TRMT10B: variants seen among roughly 807,000 people sequenced by gnomAD.
The protein encoded by TRMT10B is tRNA methyltransferase 10 homolog B.
TRMT10B carries 33 observed loss-of-function variants against 43.8 expected under a neutral mutation model. That is an observed-to-expected ratio of 0.75 (90% CI 0.57 to 1.01). The LOEUF (loss-of-function observed/expected upper bound fraction) is 1.01. Among genes scored for constraint, TRMT10B ranks in the 50% least tolerant of loss-of-function variants. The probability of loss-of-function intolerance (pLI) is 0.00; values close to 1 mark genes in which losing one functional copy is unlikely to be tolerated. For missense variants in TRMT10B, 362 were observed against 369.8 expected, an observed-to-expected ratio of 0.98 and a Z score of 0.17; for synonymous variants, 137 against 130.6, an observed-to-expected ratio of 1.05 and a Z score of -0.34.
At chr9:37,764,929 C>T (rs1159861477) in intron 4 of TRMT10B, among the ~76,000 whole-genome samples, 1 of 151,972 alleles carries the variant, frequency 6.6e-6, no homozygotes, top group Non-Finnish European at 1.5e-5. Context: ...TAATCAAGAA[C>T]AGAATGAACA....
At chr9:37,759,292 A>T (rs1340947154) in intron 1 of TRMT10B, among the ~76,000 whole-genome samples, 2 of 152,256 alleles carry the variant, frequency 1.3e-5, no homozygotes, top group Non-Finnish European at 2.9e-5. Flanking sequence ...AATGCTACTC[A>T]GCAATAAAAA....
intron 6 of TRMT10B, among the ~76,000 whole-genome samples, chr9:37,770,298 T>A (rs74431227): frequency 0.031 from 4,785 of 152,352 alleles, 102 homozygotes; most frequent in Non-Finnish European, 0.05. Flanking sequence ...GCTACCCCAC[T>A]AGCCCTTCTT....
rs1589021311 is a variant in TRMT10B at position 37,763,575 on chromosome 9, T to C, written c.296-54T>C. 1.1e-5 allele frequency: 17 copies of C among 1,519,220 alleles called. No individual in the cohort carries two copies. The East Asian group carries it at 2.9e-4, about 26-fold the overall frequency. The allele number at this position is 1,519,220 out of a possible 1,614,324, so 94.1% of individuals were successfully genotyped here. A position where few individuals can be genotyped will look rare whatever the true frequency, so the allele number is the denominator to read the frequency against. On this transcript the variant is annotated intron_variant, in intron 3 of 8. Coordinates refer to ENST00000297994, the MANE Select transcript of TRMT10B (RefSeq NM_144964.4). ...CCACCTGGCTAAGATTTGTTTCTTATATAATATTCCTCTGGTTTTCCACTT... is the reference window on the plus strand; with the variant it reads ...CCACCTGGCTAAGATTTGTTTCTTACATAATATTCCTCTGGTTTTCCACTT...
intron 1 of TRMT10B, among the ~76,000 whole-genome samples, chr9:37,759,126 C>T (rs1589008735): frequency 6.6e-6 from 1 of 152,162 alleles, no homozygotes; most frequent in African/African-American, 2.4e-5. Flanking sequence ...TATGCTATGA[C>T]CTAGCAATTC....
At chr9:37,776,477 C>T in intron 8 of TRMT10B, 72 bp downstream of exon 8, 1 of 1,490,526 alleles carries the variant, frequency 6.7e-7, no homozygotes, top group East Asian at 2.5e-5. Flanking sequence ...GTTTAAGTGG[C>T]CTTTGAGTCA....
intron 7 of TRMT10B, among the ~76,000 whole-genome samples, chr9:37,774,725 T>C (rs1248220853): frequency 6.6e-6 from 1 of 152,208 alleles, no homozygotes; most frequent in Non-Finnish European, 1.5e-5. Flanking sequence ...TTTTTGGAAG[T>C]TCTATCTAAA....
upstream of TRMT10B, among the ~76,000 whole-genome samples, chr9:37,753,053 G>C (rs547939612): frequency 6.6e-6 from 1 of 150,674 alleles, no homozygotes; most frequent in Non-Finnish European, 1.5e-5. Context: ...TGAGGCCCGT[G>C]TGACCACGAA....
chr9:37,763,841 G>C, intron 4 of TRMT10B, 88 bp downstream of exon 4: 2 of 1,608,272 alleles, frequency 1.2e-6, no homozygotes, highest in Non-Finnish European at 8.5e-7. Context: ...GTCAACTCCA[G>C]CTTCTGGGAT....
At chr9:37,765,719 C>T (rs1428687826) in intron 4 of TRMT10B, among the ~76,000 whole-genome samples, 1 of 152,140 alleles carries the variant, frequency 6.6e-6, no homozygotes, top group East Asian at 1.9e-4. Context: ...TAAAAGTGTT[C>T]CTATTTCTCC....
chr9:37,762,464 T>C (rs1259329907), intron 2 of TRMT10B, 113 bp from the exon 3 acceptor site: 21 of 1,423,336 alleles, frequency 1.5e-5, no homozygotes, highest in Admixed American at 2.8e-5. Context: ...AATTTCCTCT[T>C]TCTCTCCAAA....
intron 1 of TRMT10B, among the ~76,000 whole-genome samples, chr9:37,760,906 T>G (rs930561057): frequency 3.3e-5 from 5 of 152,222 alleles, no homozygotes; most frequent in Non-Finnish European, 7.4e-5. Context: ...TTCTGACTCA[T>G]ATCGTTCAGA....
At chr9:37,755,223 A>T (rs1409366480) in intron 1 of TRMT10B, among the ~76,000 whole-genome samples, 1 of 149,140 alleles carries the variant, frequency 6.7e-6, no homozygotes, top group Non-Finnish European at 1.5e-5. Context: ...GTGAGTCGAG[A>T]TCGCGCCACT....
upstream of TRMT10B, among the ~76,000 whole-genome samples, chr9:37,753,442 A>G (rs1380678066): frequency 1.3e-5 from 2 of 152,142 alleles, no homozygotes; most frequent in African/African-American, 4.8e-5. Context: ...ACTAGTTTTT[A>G]AGGTTTCCTT....
At chr9:37,754,482 C>T (rs1186416272) in intron 1 of TRMT10B, among the ~76,000 whole-genome samples, 2 of 152,170 alleles carry the variant, frequency 1.3e-5, no homozygotes, top group Non-Finnish European at 2.9e-5. Context: ...GGGCTATTTA[C>T]TGTCAGTGAA....
Position 37,776,034 on chromosome 9 carries a change from T to C in TRMT10B, c.721-248T>C, listed in dbSNP as rs117387487. On this transcript the variant is annotated intron_variant, in intron 7 of 8. Transcript: ENST00000297994. ...TAGACTGCTTGGGCCTTTTGATGCC[T>C]ACTGTGGCTGCAGATGTGCCTCTTT... Among the ~76,000 whole-genome samples the C allele has an allele frequency of 5.4e-4, 83 of 152,338 alleles. No individual in the cohort carries two copies. The East Asian group carries it at 0.014, about 27-fold the overall frequency.
chr9:37,770,171 G>C, intron 6 of TRMT10B, 152 bp downstream of exon 6: 1 of 730,966 alleles, frequency 1.4e-6, no homozygotes, highest in Non-Finnish European at 2.4e-6. Flanking sequence ...TTACAGGCAG[G>C]GGCCTCACTG....
intron 4 of TRMT10B, among the ~76,000 whole-genome samples, chr9:37,765,705 A>C (rs1178527222): frequency 6.6e-6 from 1 of 152,198 alleles, no homozygotes; most frequent in Non-Finnish European, 1.5e-5. Context: ...TCCCACCAAC[A>C]GTGTAAAAGT....
chr9:37,773,994 A>G (rs943051944), intron 7 of TRMT10B, among the ~76,000 whole-genome samples: 3 of 151,374 alleles, frequency 2.0e-5, no homozygotes, highest in African/African-American at 7.3e-5. Flanking sequence ...TAATAATTAA[A>G]AGTTTATTAG....
chr9:37,770,575 T>G, intron 6 of TRMT10B, 97 bp from the exon 7 acceptor site: 1 of 1,155,282 alleles, frequency 8.7e-7, no homozygotes, highest in South Asian at 1.4e-5. Flanking sequence ...TCTACTGAAT[T>G]TCTACTTTTA....
Sources: gnomAD v4.1 joint callset for allele counts (sites outside exome capture counted in the v4.1 genomes callset) on GRCh38, gnomAD v4.1.1 for gene constraint, MANE v1.5 for transcripts, NCBI Gene and HGNC (gene_info 2026-07-23, HGNC 2026-07-21) for gene names.